PCYT2: variants seen among roughly 807,000 people sequenced by gnomAD.
PCYT2 encodes ethanolamine-phosphate cytidylyltransferase.
Under a neutral mutation model 50.0 loss-of-function variants are expected in PCYT2, and 33 were observed. That is an observed-to-expected ratio of 0.66 (90% confidence interval 0.50 to 0.88). The LOEUF (loss-of-function observed/expected upper bound fraction) is 0.88. Ranked by LOEUF, PCYT2 falls within the 40% of genes least tolerant of loss-of-function variation. The probability of loss-of-function intolerance (pLI) is 0.00; values close to 1 mark genes in which losing one functional copy is unlikely to be tolerated. For missense variants in PCYT2, 430 were observed against 519.7 expected, an observed-to-expected ratio of 0.83 and a Z score of 1.68; for synonymous variants, 240 against 203.7, an observed-to-expected ratio of 1.18 and a Z score of -1.52.
Position 81,903,008 on chromosome 17 carries a change from C to A in PCYT2, c.*1825G>T. On this transcript the variant is annotated 3_prime_UTR_variant, in exon 13 of 13. Transcript: ENST00000538936. Reference sequence around the variant, plus strand: ...GGCAGCCGAGTGTGCGGCGGCAGGGCAAGGTTGGCCTGGGCCGCCCAGAGG... The same window carrying A: ...GGCAGCCGAGTGTGCGGCGGCAGGGAAAGGTTGGCCTGGGCCGCCCAGAGG... 2.0e-6 allele frequency: 1 copy of A among 491,678 alleles called. No individual in the cohort carries two copies. The highest frequency in any genetic ancestry group is 3.6e-6 in the Non-Finnish European group (1 of 281,516). 30.5% of individuals were successfully genotyped at this position (491,678 alleles called of 1,614,324 possible).
chr17:81,909,158 C>T, intron 2 of PCYT2, 121 bp from the exon 3 acceptor site: 1 of 1,495,416 alleles, frequency 6.7e-7, no homozygotes, highest in African/African-American at 1.4e-5. Flanking sequence ...GGCTGTCTCT[C>T]TACCCTGGCC....
Position 81,903,514 on chromosome 17 carries a change from C to T in PCYT2, c.*1319G>A, listed in dbSNP as rs2040066781. On this transcript the variant is annotated 3_prime_UTR_variant, in exon 13 of 13. Coordinates refer to ENST00000538936, the MANE Select transcript of PCYT2 (RefSeq NM_002861.5). ...CAGGCAGCCCCTGTCCAGCACCAAT[C>T]TGTCTATGGGGAACTGGCTGGTCCC... The T allele has an allele frequency of 6.6e-6, 1 of 152,476 alleles. No individual in the cohort carries two copies. The highest frequency in any genetic ancestry group is 1.5e-5 in the Non-Finnish European group (1 of 68,238). The allele number at this position is 152,476 out of a possible 1,614,324, so 9.4% of individuals were successfully genotyped here.
chr17:81,905,987 G>T, intron 9 of PCYT2, 113 bp downstream of exon 9: 1 of 935,672 alleles, frequency 1.1e-6, no homozygotes. Context: ...GGTGCTGGGT[G>T]CAGCTCTGCC....
chr17:81,909,649 C>G (rs745929812), intron 1 of PCYT2, 47 bp from the exon 2 acceptor site: 5 of 1,456,612 alleles, frequency 3.4e-6, no homozygotes, highest in Non-Finnish European at 4.8e-6. Context: ...AGGGTGGGGA[C>G]CAGGTGTCCC....
chr17:81,911,384 G>C lies in PCYT2; in HGVS notation c.-29C>G. Reference sequence around the variant, plus strand: ...CCCGCAGCGGCGGCGCGGACAGCCTGGCAGCTCCCGGCGACTCCGAGCGCC... The same window carrying C: ...CCCGCAGCGGCGGCGCGGACAGCCTCGCAGCTCCCGGCGACTCCGAGCGCC... On this transcript the variant is annotated 5_prime_UTR_variant, in exon 1 of 13. Transcript: ENST00000538936. The C allele has an allele frequency of 3.0e-6, 3 of 1,015,432 alleles. No individual in the cohort carries two copies. Among genetic ancestry groups the C allele is most frequent in the Non-Finnish European group, 3.5e-6 (3 of 850,574 alleles). The allele number at this position is 1,015,432 out of a possible 1,614,324, so 62.9% of individuals were successfully genotyped here.
At position 81,904,879 on chromosome 17, in the gene PCYT2, C is replaced by T. The variant is rs2143651531; in HGVS notation, c.1124G>A (p.Arg375Lys). ...CCCCAGGGGCTGTGCCGCCTGCTGC[C>T]TGGCAGCCTCCAGGAAGGCCAGCTC... ...AKELAFLEAA[R>K]QQAAQPLGER... is the part of the protein sequence containing the mutation. The change falls in exon 13 of 13, where the codon AGG (arginine) becomes AAG (lysine). Residue 375 changes from arginine (R) to lysine (K), a missense_variant. Arg to Lys is a conservative substitution (Grantham distance 26, BLOSUM62 2). Transcript: ENST00000538936. The T allele has an allele frequency of 6.2e-7, 1 of 1,613,020 alleles. No individual in the cohort carries two copies. The highest frequency in any genetic ancestry group is 8.5e-7 in the Non-Finnish European group (1 of 1,179,924).
chr17:81,910,213 C>T (rs1056881584), intron 1 of PCYT2, among the ~76,000 whole-genome samples: 1 of 152,250 alleles, frequency 6.6e-6, no homozygotes, highest in African/African-American at 2.4e-5. Context: ...GGTCTGCTAA[C>T]ACGTGAACTC....
intron 6 of PCYT2, 72 bp from the exon 7 acceptor site, chr17:81,906,970 C>T (rs911406406): frequency 9.3e-6 from 14 of 1,505,076 alleles, no homozygotes; most frequent in Admixed American, 5.6e-5. Flanking sequence ...GTCACCAAAC[C>T]CTCAGCTGTC....
intron 4 of PCYT2, among the ~76,000 whole-genome samples, chr17:81,908,303 C>T (rs557862253): frequency 6.6e-6 from 1 of 152,258 alleles, no homozygotes. Context: ...GTGCCAGCCA[C>T]GTCCCCCGAG....
At chr17:81,906,708 G>C in intron 7 of PCYT2, 52 bp downstream of exon 7, 1 of 1,604,502 alleles carries the variant, frequency 6.2e-7, no homozygotes, top group East Asian at 2.2e-5. Flanking sequence ...GAGGCCCCCG[G>C]GTCCCACCCC....
rs141017787 is a variant in PCYT2, at chr17:81,904,850, G to A, written c.1153C>T (p.Arg385Cys). The change falls in exon 13 of 13, where the codon CGC becomes TGC. Residue 385 changes from arginine (R) to cysteine (C), a missense_variant. By Grantham distance (180) the Arg-to-Cys change is radical (BLOSUM62 -3). This residue lies in a region of PCYT2 where 248 missense variants were observed against 300.2 expected (regional missense o/e 0.83). Transcript: ENST00000538936. Reference sequence around the variant, plus strand: ...CTGCCAGGTTAGAAGTCACCATCGCGCTCCCCCAGGGGCTGTGCCGCCTGC... The same window carrying A: ...CTGCCAGGTTAGAAGTCACCATCGCACTCCCCCAGGGGCTGTGCCGCCTGC... Reference protein sequence around the residue: ...RQQAAQPLGERDGDF With the variant: ...RQQAAQPLGECDGDF 1.8e-5 allele frequency: 29 copies of A among 1,609,480 alleles called. No individual in the cohort carries two copies. Among genetic ancestry groups the A allele is most frequent in the Non-Finnish European group, 1.8e-5 (21 of 1,177,574 alleles).
At chr17:81,907,702 G>T in intron 5 of PCYT2, 71 bp downstream of exon 5, 1 of 1,591,102 alleles carries the variant, frequency 6.3e-7, no homozygotes, top group African/African-American at 1.3e-5. Context: ...CCCTGAGAGG[G>T]CAGGGAGGTG....
At position 81,902,102 on chromosome 17, in the gene PCYT2, C is replaced by T. The variant is rs961756714; in HGVS notation, c.*2731G>A. 14 of 472,180 alleles carry T rather than the reference C, an allele frequency of 3.0e-5. No homozygotes were observed. The highest frequency in any genetic ancestry group is 2.8e-5 in the Non-Finnish European group (9 of 317,392). The allele number at this position is 472,180 out of a possible 1,614,324, so 29.2% of individuals were successfully genotyped here. ...CAGCGCTCGCCCGCGCGGCTGGTTCCTTTGGGATGCGGAGGTGCGACGGCT... is the reference window on the plus strand; with the variant it reads ...CAGCGCTCGCCCGCGCGGCTGGTTCTTTTGGGATGCGGAGGTGCGACGGCT... On this transcript the variant is annotated 3_prime_UTR_variant, in exon 13 of 13. Transcript: ENST00000538936.
In PCYT2 at chr17:81,902,826, G is replaced by T. The variant is rs910163502; in HGVS notation, c.*2007C>A. On this transcript the variant is annotated 3_prime_UTR_variant, in exon 13 of 13. Transcript: ENST00000538936. Reference sequence around the variant, plus strand: ...CGGTGACCCCAGGCCCCTCCGGCGCGGGATGGCGCCCCAGGTCTCCCCTAC... The same window carrying T: ...CGGTGACCCCAGGCCCCTCCGGCGCTGGATGGCGCCCCAGGTCTCCCCTAC... The T allele has an allele frequency of 7.4e-7, 1 of 1,351,262 alleles. No homozygotes were observed. Among genetic ancestry groups the T allele is most frequent in the Non-Finnish European group, 1.0e-6 (1 of 1,004,900 alleles). The allele number at this position is 1,351,262 out of a possible 1,614,324, so 83.7% of individuals were successfully genotyped here. A position where few individuals can be genotyped will look rare whatever the true frequency, so the allele number is the denominator to read the frequency against.
Position 81,904,841 on chromosome 17 carries a change from C to T in PCYT2, c.1162G>A (p.Asp388Asn). The T allele has an allele frequency of 6.2e-7, 1 of 1,607,408 alleles. No homozygotes were observed. Among genetic ancestry groups the T allele is most frequent in the Non-Finnish European group, 8.5e-7 (1 of 1,176,186 alleles). ...CCAGGGCCTCTGCCAGGTTAGAAGTCACCATCGCGCTCCCCCAGGGGCTGT... is the reference window on the plus strand; with the variant it reads ...CCAGGGCCTCTGCCAGGTTAGAAGTTACCATCGCGCTCCCCCAGGGGCTGT... ...AAQPLGERDG[D>N]F Residue 388 changes from aspartate (D) to asparagine (N), a missense_variant, in exon 13 of 13, where the codon GAC becomes AAC. Coordinates refer to ENST00000538936, the MANE Select transcript of PCYT2 (RefSeq NM_002861.5).
chr17:81,908,791 C>T (rs1295157076), intron 3 of PCYT2, 85 bp downstream of exon 3: 14 of 1,419,312 alleles, frequency 9.9e-6, no homozygotes, highest in Non-Finnish European at 1.3e-5. Flanking sequence ...GGCGGAGGCC[C>T]CCTGTTCCCG....
intron 2 of PCYT2, 105 bp downstream of exon 2, chr17:81,909,409 G>T: frequency 2.0e-6 from 3 of 1,466,180 alleles, no homozygotes; most frequent in Non-Finnish European, 2.8e-6. Flanking sequence ...CTCCCCTACA[G>T]CTGTGCCCTG....
At position 81,904,733 on chromosome 17, in the gene PCYT2, G is replaced by T; in HGVS notation, c.*100C>A. 1.3e-6 allele frequency: 1 copy of T among 767,354 alleles called. No individual in the cohort carries two copies. Among genetic ancestry groups the T allele is most frequent in the Non-Finnish European group, 2.1e-6 (1 of 482,240 alleles). 47.5% of individuals were successfully genotyped at this position (767,354 alleles called of 1,614,324 possible). ...CAGAGTCCTCACCAGCCCTTCCAGAGCCAGGCCAGTTAGAGAGGGCGGCCC... is the reference window on the plus strand; with the variant it reads ...CAGAGTCCTCACCAGCCCTTCCAGATCCAGGCCAGTTAGAGAGGGCGGCCC... On this transcript the variant is annotated 3_prime_UTR_variant, in exon 13 of 13. Transcript: ENST00000538936.
chr17:81,908,529 C>T, intron 4 of PCYT2, 39 bp downstream of exon 4: 10 of 1,522,582 alleles, frequency 6.6e-6, no homozygotes, highest in Middle Eastern at 1.7e-4. Context: ...AGCCCCGTGT[C>T]CAGCTCCCTG....
Sources: gnomAD v4.1 joint callset for allele counts (sites outside exome capture counted in the v4.1 genomes callset) on GRCh38, gnomAD v4.1.1 for gene constraint, gnomAD v4.1.1 regional missense constraint, MANE v1.5 for transcripts, NCBI Gene and HGNC (gene_info 2026-07-23, HGNC 2026-07-21) for gene names.